The following LHFPL2 variants were observed in gnomAD, a reference collection of about 807,000 sequenced individuals.
LHFPL2 encodes LHFPL tetraspan subfamily member 2 protein.
In LHFPL2, 7 loss-of-function variants were observed where a neutral mutation model predicts 17.5. The ratio of observed to expected loss-of-function variants is 0.40; its 90% CI spans 0.23 to 0.75. LHFPL2 has a LOEUF of 0.75. Ranked by LOEUF, LHFPL2 falls within the 30% of genes least tolerant of loss-of-function variation. LHFPL2 has a pLI of 0.37. For synonymous variants in LHFPL2, 134 were observed against 116.2 expected (o/e 1.15, Z -0.99); for missense variants, 241 against 294.8 (o/e 0.82, Z 1.34).
chr5:78,592,250 C>T (rs768685848), intron 2 of LHFPL2, among the ~76,000 whole-genome samples: 4 of 152,206 alleles, frequency 2.6e-5, no homozygotes, highest in Admixed American at 6.5e-5. Flanking sequence ...CTCTCCCAAA[C>T]GCTCAGGAAG....
At chr5:78,614,930 C>G (rs1318219070) in intron 2 of LHFPL2, among the ~76,000 whole-genome samples, 2 of 152,176 alleles carry the variant, frequency 1.3e-5, no homozygotes, top group African/African-American at 2.4e-5. Flanking sequence ...ATTGTTAGGG[C>G]TGATTCCAAA....
chr5:78,616,272 G>A (rs1744606801), intron 2 of LHFPL2, among the ~76,000 whole-genome samples: 1 of 151,952 alleles, frequency 6.6e-6, no homozygotes, highest in Admixed American at 6.6e-5. Flanking sequence ...GACTACTGGT[G>A]CCCGCCACCT....
At chr5:78,582,970 C>T (rs966598293) in intron 2 of LHFPL2, among the ~76,000 whole-genome samples, 4 of 152,132 alleles carry the variant, frequency 2.6e-5, no homozygotes, top group African/African-American at 4.8e-5. Flanking sequence ...CTGGGTGCTC[C>T]TGTATTGGGT....
chr5:78,571,411 C>G (rs1443355312), intron 2 of LHFPL2, among the ~76,000 whole-genome samples: 1 of 152,132 alleles, frequency 6.6e-6, no homozygotes, highest in Non-Finnish European at 1.5e-5. Flanking sequence ...ACCCTCGCCT[C>G]TGCCCTCTCC....
intron 3 of LHFPL2, among the ~76,000 whole-genome samples, chr5:78,524,116 T>C (rs1177523405): frequency 6.6e-6 from 1 of 152,116 alleles, no homozygotes; most frequent in Non-Finnish European, 1.5e-5. Context: ...AAGGTTGTCA[T>C]TAAGGCTACA....
At chr5:78,573,969 C>T (rs1337007447) in intron 2 of LHFPL2, among the ~76,000 whole-genome samples, 1 of 152,158 alleles carries the variant, frequency 6.6e-6, no homozygotes, top group Non-Finnish European at 1.5e-5. Context: ...TTACTTCAAA[C>T]TACTTGTGTT....
intron 2 of LHFPL2, among the ~76,000 whole-genome samples, chr5:78,615,750 G>T (rs1268593392): frequency 6.6e-6 from 1 of 152,144 alleles, no homozygotes; most frequent in Non-Finnish European, 1.5e-5. Flanking sequence ...TATCATAAGG[G>T]AGCCACTCAT....
chr5:78,590,628 T>C (rs190412437), intron 2 of LHFPL2, among the ~76,000 whole-genome samples: 1 of 152,328 alleles, frequency 6.6e-6, no homozygotes, highest in Non-Finnish European at 1.5e-5. Context: ...GAAACATCTA[T>C]GATGTTACTC....
At chr5:78,558,267 A>C (rs1245292493) in intron 3 of LHFPL2, among the ~76,000 whole-genome samples, 1 of 152,226 alleles carries the variant, frequency 6.6e-6, no homozygotes, top group African/African-American at 2.4e-5. Flanking sequence ...CAGGGATGAT[A>C]AGGGGACACC....
rs1354951663 is a variant in LHFPL2, at chr5:78,551,162, G to C, written c.-186+13651C>G. Among the ~76,000 whole-genome samples, 5 of 152,144 alleles carry C rather than the reference G, an allele frequency of 3.3e-5. 1 individual carries two copies. The South Asian group carries it at 1.0e-3, about 31-fold the overall frequency. On this transcript the variant is annotated intron_variant, in intron 3 of 4. Transcript: ENST00000380345. ...AGCCTAACTGCAATTTCAAAGGATG[G>C]AATAAAAGTGAATCTAGAGGAACGG...
intron 3 of LHFPL2, among the ~76,000 whole-genome samples, chr5:78,529,887 C>T (rs950190032): frequency 1.3e-5 from 2 of 152,178 alleles, no homozygotes; most frequent in Non-Finnish European, 2.9e-5. Flanking sequence ...CATGAATGTA[C>T]CAACTCTTCC....
At chr5:78,597,822 T>C (rs919021397) in intron 2 of LHFPL2, among the ~76,000 whole-genome samples, 2 of 152,170 alleles carry the variant, frequency 1.3e-5, no homozygotes, top group African/African-American at 4.8e-5. Context: ...ATTCAGTGCA[T>C]CATATGCACT....
At chr5:78,628,336 G>A (rs560724052) in intron 2 of LHFPL2, among the ~76,000 whole-genome samples, 4 of 152,056 alleles carry the variant, frequency 2.6e-5, no homozygotes, top group Admixed American at 6.6e-5. Context: ...TCTTTTAAAC[G>A]GATATGAGAC....
intron 2 of LHFPL2, among the ~76,000 whole-genome samples, chr5:78,607,900 T>G (rs1744282099): frequency 6.6e-6 from 1 of 152,144 alleles, no homozygotes; most frequent in Non-Finnish European, 1.5e-5. Flanking sequence ...GAGCACAAAG[T>G]GAATGTTAAA....
intron 2 of LHFPL2, among the ~76,000 whole-genome samples, chr5:78,579,597 GT>G (rs931688662): frequency 1.5e-4 from 23 of 151,916 alleles, no homozygotes; most frequent in African/African-American, 4.1e-4. Context: ...GCGGTGTTTG[GT>G]TTTTTGTTCT....
At position 78,613,212 on chromosome 5, in the gene LHFPL2, T is replaced by C. The variant is rs377369979; in HGVS notation, c.-245+19052A>G. 1.2e-4 allele frequency among the ~76,000 whole-genome samples: 18 copies of C among 152,314 alleles called. No individual in the cohort carries two copies. In the East Asian group the frequency reaches 1.5e-3, roughly 13 times the overall value. On this transcript the variant is annotated intron_variant, in intron 2 of 4. Transcript: ENST00000380345. ...TTGTGGGCTTGCTTCTCTCAAGACATAGGTAAGTTTCTTGGATGAGAAACA... is the reference window on the plus strand; with the variant it reads ...TTGTGGGCTTGCTTCTCTCAAGACACAGGTAAGTTTCTTGGATGAGAAACA...
chr5:78,571,266 G>C (rs1014483210), intron 2 of LHFPL2, among the ~76,000 whole-genome samples: 1 of 152,112 alleles, frequency 6.6e-6, no homozygotes, highest in Non-Finnish European at 1.5e-5. Context: ...GCTGCATTCT[G>C]CAAACCTCAG....
intron 2 of LHFPL2, among the ~76,000 whole-genome samples, chr5:78,566,527 G>A (rs1025913203): frequency 2.0e-5 from 3 of 151,754 alleles, no homozygotes; most frequent in Non-Finnish European, 2.9e-5. Context: ...ACAATGGCAC[G>A]ATCTTGGCTC....
intron 2 of LHFPL2, among the ~76,000 whole-genome samples, chr5:78,605,018 T>C (rs1744163298): frequency 6.6e-6 from 1 of 152,202 alleles, no homozygotes; most frequent in Non-Finnish European, 1.5e-5. Flanking sequence ...CTGTACAACA[T>C]AATGTGCCTG....
Sources: allele counts gnomAD v4.1 joint callset (sites outside exome capture counted in the v4.1 genomes callset), GRCh38; gene constraint gnomAD v4.1.1; transcripts MANE v1.5; gene names NCBI Gene and HGNC (gene_info 2026-07-23, HGNC 2026-07-21).